The following DCC variants were observed in gnomAD, a reference collection of about 807,000 sequenced individuals.
The protein encoded by DCC is DCC netrin 1 receptor, also known as netrin receptor DCC.
A neutral mutation model predicts 172.5 loss-of-function variants in DCC; 58 were observed. The observed-to-expected ratio is 0.34, with a 90% CI of 0.27 to 0.42. The LOEUF (loss-of-function observed/expected upper bound fraction) is 0.42. Among genes scored for constraint, DCC ranks in the 10% least tolerant of loss-of-function variants. The probability of loss-of-function intolerance (pLI) is 1.00; values close to 1 mark genes in which losing one functional copy is unlikely to be tolerated. For synonymous variants in DCC, 709 were observed against 644.5 expected (o/e 1.10, Z -1.52); for missense variants, 1,740 against 1,791.0 (o/e 0.97, Z 0.51).
At position 53,400,757 on chromosome 18, in the gene DCC, T is replaced by A. The variant is rs566510607; in HGVS notation, c.2828-2029T>A. On this transcript the variant is annotated intron_variant, in intron 18 of 28. Coordinates refer to ENST00000442544, the MANE Select transcript of DCC (RefSeq NM_005215.4). ...AATTAGATTGGTTGTTAGATTTTTT[T>A]AAATTAAATAACTAATTCTTCATTG... 5.9e-5 allele frequency among the ~76,000 whole-genome samples: 9 copies of A among 152,308 alleles called. No individual in the cohort carries two copies. In the East Asian group the frequency reaches 9.6e-4, roughly 16 times the overall value.
chr18:52,770,876 A>G (rs1323143734), intron 2 of DCC, among the ~76,000 whole-genome samples: 1 of 152,224 alleles, frequency 6.6e-6, no homozygotes, highest in Non-Finnish European at 1.5e-5. Flanking sequence ...TACATGATTC[A>G]GGGTTCATCT....
At chr18:53,036,930 G>T (rs2042102137) in intron 5 of DCC, among the ~76,000 whole-genome samples, 1 of 151,964 alleles carries the variant, frequency 6.6e-6, no homozygotes, top group South Asian at 2.1e-4. Flanking sequence ...TTAGTCTGAA[G>T]CTGATATACA....
intron 5 of DCC, among the ~76,000 whole-genome samples, chr18:52,983,944 G>A (rs542278306): frequency 6.6e-6 from 1 of 152,120 alleles, no homozygotes; most frequent in Non-Finnish European, 1.5e-5. Context: ...AGCTGAGTTA[G>A]GCCTGCTAAG....
At chr18:52,526,875 C>A (rs1387469921) in intron 1 of DCC, among the ~76,000 whole-genome samples, 1 of 152,160 alleles carries the variant, frequency 6.6e-6, no homozygotes, top group Non-Finnish European at 1.5e-5. Context: ...AAAATGCTCT[C>A]TCTGTATTAA....
At chr18:52,778,978 C>A (rs1236728708) in intron 2 of DCC, among the ~76,000 whole-genome samples, 3 of 152,126 alleles carry the variant, frequency 2.0e-5, no homozygotes, top group Admixed American at 6.5e-5. Context: ...TATCAAGAGT[C>A]CATTAATGTA....
intron 22 of DCC, among the ~76,000 whole-genome samples, chr18:53,440,503 T>C (rs1317582958): frequency 6.6e-6 from 1 of 152,030 alleles, no homozygotes; most frequent in Non-Finnish European, 1.5e-5. Context: ...AAACCTGTTT[T>C]TTTTTTTTTA....
At chr18:52,921,738 A>G (rs931595562) in intron 3 of DCC, among the ~76,000 whole-genome samples, 14 of 148,820 alleles carry the variant, frequency 9.4e-5, no homozygotes, top group Non-Finnish European at 2.1e-4. Context: ...TATATAAATG[A>G]AAGGAAAAAG....
chr18:53,323,685 G>A (rs1448529648), intron 14 of DCC, among the ~76,000 whole-genome samples: 1 of 151,994 alleles, frequency 6.6e-6, no homozygotes, highest in Non-Finnish European at 1.5e-5. Context: ...TTGGATGGTT[G>A]GAAGGTTGGA....
intron 1 of DCC, among the ~76,000 whole-genome samples, chr18:52,649,338 A>G (rs993619373): frequency 6.8e-6 from 1 of 147,974 alleles, no homozygotes; most frequent in Non-Finnish European, 1.5e-5. Flanking sequence ...GTGCCACTGC[A>G]CTCCAGCTTG....
At chr18:53,503,858 T>C (rs117244778) in intron 27 of DCC, among the ~76,000 whole-genome samples, 206 of 151,924 alleles carry the variant, frequency 1.4e-3, no homozygotes, top group Non-Finnish European at 2.2e-3. Context: ...CATTTACACA[T>C]TGCATTTTAC....
chr18:52,968,818 G>A lies in DCC; in HGVS notation c.985+43448G>A, dbSNP rs372371917. ...TAAAATCTAAATTTCCAATAAAATA[G>A]CTACTTTTTAGTGTAAGCAGTTTTT... is the stretch of plus-strand genomic sequence containing the variant. On this transcript the variant is annotated intron_variant, in intron 5 of 28. Coordinates refer to ENST00000442544, the MANE Select transcript of DCC (RefSeq NM_005215.4). Among the ~76,000 whole-genome samples, 3 of 152,094 alleles carry A rather than the reference G, an allele frequency of 2.0e-5. No homozygotes were observed. In the East Asian group the frequency reaches 5.8e-4, roughly 29 times the overall value.
chr18:52,966,975 C>G (rs989247329), intron 5 of DCC, among the ~76,000 whole-genome samples: 2 of 152,152 alleles, frequency 1.3e-5, no homozygotes, highest in South Asian at 4.1e-4. Context: ...CCCCTGTGCT[C>G]TGTTTTCTGC....
intron 1 of DCC, among the ~76,000 whole-genome samples, chr18:52,568,301 C>G (rs1305503102): frequency 6.6e-6 from 1 of 152,054 alleles, no homozygotes; most frequent in African/African-American, 2.4e-5. Flanking sequence ...TCACTCCAAA[C>G]TAGAAACAAC....
intron 5 of DCC, among the ~76,000 whole-genome samples, chr18:53,061,031 C>T (rs993990995): frequency 2.6e-5 from 4 of 152,056 alleles, no homozygotes; most frequent in Non-Finnish European, 4.4e-5. Flanking sequence ...ATTATGTTTG[C>T]TACCAGTGAT....
chr18:53,341,509 G>A (rs1034678989), intron 15 of DCC, among the ~76,000 whole-genome samples: 3 of 152,172 alleles, frequency 2.0e-5, no homozygotes, highest in African/African-American at 4.8e-5. Flanking sequence ...ATATGAACCT[G>A]TCTCAGTAAT....
chr18:53,042,655 AACAG>A (rs781706118), intron 5 of DCC, among the ~76,000 whole-genome samples: 2 of 152,040 alleles, frequency 1.3e-5, no homozygotes, highest in Non-Finnish European at 2.9e-5. Context: ...GAAGTATATG[AACAG>A]ACACTTTTCA....
intron 5 of DCC, among the ~76,000 whole-genome samples, chr18:52,950,812 C>A (rs1192438094): frequency 1.1e-4 from 16 of 151,640 alleles, no homozygotes; most frequent in Non-Finnish European, 2.9e-5. Flanking sequence ...GTAGTCCCAG[C>A]TACTCGGGAG....
chr18:53,400,929 A>G (rs1909257383), intron 18 of DCC, among the ~76,000 whole-genome samples: 2 of 152,142 alleles, frequency 1.3e-5, no homozygotes, highest in Non-Finnish European at 2.9e-5. Context: ...AAAACAGGCT[A>G]TTTTCACTAG....
At chr18:52,644,553 T>G (rs1309844191) in intron 1 of DCC, among the ~76,000 whole-genome samples, 1 of 129,600 alleles carries the variant, frequency 7.7e-6, no homozygotes, top group Non-Finnish European at 1.6e-5. Flanking sequence ...TACTCCAGCC[T>G]GGGCGACAGA....
Sources: allele counts gnomAD v4.1 joint callset (sites outside exome capture counted in the v4.1 genomes callset), GRCh38; gene constraint gnomAD v4.1.1; transcripts MANE v1.5; gene names NCBI Gene and HGNC (gene_info 2026-07-23, HGNC 2026-07-21).